ADGRL3: variants seen among roughly 807,000 people sequenced by gnomAD.
The protein encoded by ADGRL3 is adhesion G protein-coupled receptor L3.
Under a neutral mutation model 153.5 loss-of-function variants are expected in ADGRL3, and 62 were observed. The observed-to-expected ratio is 0.40, with a 90% CI of 0.33 to 0.50. The LOEUF (loss-of-function observed/expected upper bound fraction) is 0.50. ADGRL3 is among the 20% of genes least tolerant of loss of function. The pLI, the probability that ADGRL3 is intolerant of heterozygous loss-of-function variation, is 0.47. For missense variants in ADGRL3, 1,641 were observed against 1,859.4 expected (o/e 0.88, Z 2.16); for synonymous variants, 710 against 672.5 (o/e 1.06, Z -0.86).
chr4:61,538,921 T>C (rs773125657), intron 4 of ADGRL3, among the ~76,000 whole-genome samples: 8 of 152,174 alleles, frequency 5.3e-5, no homozygotes, highest in African/African-American at 1.7e-4. Context: ...GTGCACCAGC[T>C]TCTTGTCCTG....
intron 1 of ADGRL3, among the ~76,000 whole-genome samples, chr4:61,242,148 A>T (rs1215568606): frequency 2.6e-5 from 4 of 151,872 alleles, no homozygotes; most frequent in Admixed American, 6.6e-5. Flanking sequence ...CTTTCACCCC[A>T]TCCACTTTTT....
chr4:61,228,626 G>A (rs781582877), intron 1 of ADGRL3, among the ~76,000 whole-genome samples: 5 of 152,162 alleles, frequency 3.3e-5, no homozygotes, highest in African/African-American at 1.2e-4. Flanking sequence ...TTGTAAAAGA[G>A]CTTCCTTAGT....
intron 5 of ADGRL3, among the ~76,000 whole-genome samples, chr4:61,652,982 T>C (rs531660959): frequency 6.6e-5 from 10 of 152,092 alleles, no homozygotes; most frequent in South Asian, 2.1e-4. Flanking sequence ...CCCGGCCATA[T>C]TGATATGTTG....
chr4:61,593,363 T>C (rs1257864000), intron 5 of ADGRL3, among the ~76,000 whole-genome samples: 5 of 152,036 alleles, frequency 3.3e-5, no homozygotes, highest in African/African-American at 1.2e-4. Context: ...TTTGTTGTTG[T>C]TTGTTTGTTT....
chr4:61,926,448 G>A (rs773532267), intron 13 of ADGRL3, among the ~76,000 whole-genome samples: 19 of 152,014 alleles, frequency 1.2e-4, no homozygotes, highest in South Asian at 2.1e-4. Flanking sequence ...ATCAACTGGC[G>A]TTAACTAATC....
At chr4:61,592,987 T>C (rs974058852) in intron 5 of ADGRL3, among the ~76,000 whole-genome samples, 5 of 152,108 alleles carry the variant, frequency 3.3e-5, no homozygotes, top group South Asian at 2.1e-4. Context: ...ATTTCTTGCT[T>C]TTTCTTTTCT....
chr4:61,770,896 A>C (rs2097076940), intron 8 of ADGRL3, among the ~76,000 whole-genome samples: 1 of 152,172 alleles, frequency 6.6e-6, no homozygotes. Flanking sequence ...CTTTCTCTCT[A>C]AGTGATGCGG....
At chr4:61,383,391 T>C (rs1560551456) in intron 2 of ADGRL3, among the ~76,000 whole-genome samples, 2 of 151,780 alleles carry the variant, frequency 1.3e-5, no homozygotes, top group South Asian at 2.1e-4. Context: ...ATCATATTTC[T>C]TGTGAACAAA....
At chr4:61,452,110 C>A (rs1578937648) in intron 2 of ADGRL3, among the ~76,000 whole-genome samples, 1 of 152,100 alleles carries the variant, frequency 6.6e-6, no homozygotes, top group African/African-American at 2.4e-5. Flanking sequence ...AGCTGAATAA[C>A]TCTGCATGAA....
rs79946367 is a variant in ADGRL3 at position 61,457,347 on chromosome 4, A to G, written c.-173-39774A>G. ...ATAATTGATTATTAAACAAAAGTTA[A>G]TGCAATGTTATTTTAATTAAATCAC... is the stretch of plus-strand genomic sequence containing the variant. On this transcript the variant is annotated intron_variant, in intron 2 of 26. Transcript: ENST00000683033. 2.3e-3 allele frequency among the ~76,000 whole-genome samples: 352 copies of G among 152,092 alleles called. 13 individuals are homozygous for G. The East Asian group carries it at 0.062, about 27-fold the overall frequency.
At chr4:61,275,083 G>A (rs2093397068) in intron 1 of ADGRL3, among the ~76,000 whole-genome samples, 1 of 152,090 alleles carries the variant, frequency 6.6e-6, no homozygotes, top group Admixed American at 6.6e-5. Context: ...GCAACTGAGG[G>A]CACTTTTAGC....
intron 2 of ADGRL3, among the ~76,000 whole-genome samples, chr4:61,460,027 A>T (rs192293284): frequency 6.6e-6 from 1 of 152,076 alleles, no homozygotes; most frequent in East Asian, 1.9e-4. Flanking sequence ...TCTGCAGGTT[A>T]TCTCTTCATT....
chr4:61,809,191 GA>G (rs1214101501), intron 8 of ADGRL3, among the ~76,000 whole-genome samples: 1 of 151,974 alleles, frequency 6.6e-6, no homozygotes, highest in Admixed American at 6.6e-5. Flanking sequence ...AAGTTGAGTT[GA>G]AAAATGGTAT....
At chr4:61,329,538 A>G (rs1408696234) in intron 1 of ADGRL3, among the ~76,000 whole-genome samples, 2 of 152,172 alleles carry the variant, frequency 1.3e-5, no homozygotes, top group African/African-American at 4.8e-5. Context: ...TAAAATATAA[A>G]GAGAAGAATA....
intron 9 of ADGRL3, among the ~76,000 whole-genome samples, chr4:61,883,340 C>T (rs2098519649): frequency 6.6e-6 from 1 of 152,096 alleles, no homozygotes; most frequent in African/African-American, 2.4e-5. Context: ...TTCTGTATCG[C>T]CAGCACTTAG....
At chr4:61,208,783 A>AGAG (rs894552407) in intron 1 of ADGRL3, among the ~76,000 whole-genome samples, 1 of 152,154 alleles carries the variant, frequency 6.6e-6, no homozygotes, top group Non-Finnish European at 1.5e-5. Flanking sequence ...GAATTATTAG[A>AGAG]GAGGAAATCA....
chr4:61,636,985 T>C (rs1355498957), intron 5 of ADGRL3, among the ~76,000 whole-genome samples: 1 of 152,108 alleles, frequency 6.6e-6, no homozygotes. Flanking sequence ...GTTCTTAGGT[T>C]TGTCATGAAC....
chr4:61,497,805 T>A (rs943830075), intron 3 of ADGRL3, among the ~76,000 whole-genome samples: 2 of 151,976 alleles, frequency 1.3e-5, no homozygotes, highest in Non-Finnish European at 2.9e-5. Flanking sequence ...ATTACAGGCG[T>A]GAGCCACCGC....
chr4:61,764,642 C>T (rs953016386), intron 8 of ADGRL3, among the ~76,000 whole-genome samples: 1 of 152,080 alleles, frequency 6.6e-6, no homozygotes, highest in African/African-American at 2.4e-5. Flanking sequence ...GCCATCTGGG[C>T]TTATAGGTGC....
Sources: allele counts gnomAD v4.1 joint callset (sites outside exome capture counted in the v4.1 genomes callset), GRCh38; gene constraint gnomAD v4.1.1; transcripts MANE v1.5; gene names NCBI Gene and HGNC (gene_info 2026-07-23, HGNC 2026-07-21).